Variants in WDPCP observed in about 807,000 individuals in gnomAD.
WDPCP encodes the protein WD repeat-containing and planar cell polarity effector protein fritz homolog.
Under a neutral mutation model 93.1 loss-of-function variants are expected in WDPCP, and 71 were observed. That is an observed-to-expected ratio of 0.76 (90% confidence interval 0.63 to 0.93). WDPCP has a LOEUF of 0.93. Ranked by LOEUF, WDPCP falls within the 40% of genes least tolerant of loss-of-function variation. WDPCP has a pLI of 0.00. For synonymous variants in WDPCP, 315 were observed against 315.0 expected (o/e 1.00, Z 0.00); for missense variants, 844 against 887.4 (o/e 0.95, Z 0.62).
intron 13 of WDPCP, among the ~76,000 whole-genome samples, chr2:63,295,169 A>G (rs1684750581): frequency 6.6e-6 from 1 of 152,142 alleles, no homozygotes. Flanking sequence ...CAAATGAAAG[A>G]GAGAGAAAAA....
At chr2:63,835,718 A>G in the WDPCP span, among the ~76,000 whole-genome samples, 1 of 152,132 alleles carries the variant, frequency 6.6e-6, no homozygotes, top group Non-Finnish European at 1.5e-5. Context: ...TTCTCTAAAT[A>G]TGACATACCT....
chr2:63,713,795 G>A (rs569652608), intron 2 of WDPCP, among the ~76,000 whole-genome samples: 2 of 152,264 alleles, frequency 1.3e-5, no homozygotes, highest in South Asian at 2.1e-4. Flanking sequence ...AATTCTCATC[G>A]TTAGGTTTGA....
At chr2:63,460,689 C>T (rs1050739370) in intron 6 of WDPCP, among the ~76,000 whole-genome samples, 3 of 151,996 alleles carry the variant, frequency 2.0e-5, no homozygotes, top group Admixed American at 6.6e-5. Context: ...GAGTCTTGCT[C>T]GATCTCGGCT....
chr2:63,249,551 A>G (rs1680552494), intron 14 of WDPCP, among the ~76,000 whole-genome samples: 1 of 152,086 alleles, frequency 6.6e-6, no homozygotes, highest in Admixed American at 6.6e-5. Flanking sequence ...TGCTTATTTA[A>G]TCTCTCCAGT....
chr2:63,187,970 A>G (rs1248511868), intron 14 of WDPCP, among the ~76,000 whole-genome samples: 1 of 152,090 alleles, frequency 6.6e-6, no homozygotes, highest in African/African-American at 2.4e-5. Context: ...TGCTGGATAC[A>G]GTATTCTTAG....
intron 2 of WDPCP, among the ~76,000 whole-genome samples, chr2:63,702,413 G>A (rs1669069143): frequency 6.6e-6 from 1 of 152,062 alleles, no homozygotes; most frequent in South Asian, 2.1e-4. Flanking sequence ...TGTACACCTA[G>A]TATATATCAA....
At chr2:63,225,152 A>G (rs999911158) in intron 14 of WDPCP, among the ~76,000 whole-genome samples, 14 of 152,084 alleles carry the variant, frequency 9.2e-5, no homozygotes, top group Admixed American at 9.2e-4. Context: ...TGCAGTACAT[A>G]CATTTAACAA....
intron 12 of WDPCP, among the ~76,000 whole-genome samples, chr2:63,319,902 T>A (rs1434749470): frequency 1.3e-5 from 2 of 152,106 alleles, no homozygotes; most frequent in Non-Finnish European, 2.9e-5. Context: ...AATTAATCCA[T>A]CAACAATGTA....
intron 17 of WDPCP, among the ~76,000 whole-genome samples, chr2:63,140,554 A>T (rs868227447): frequency 5.6e-4 from 82 of 146,008 alleles, no homozygotes; most frequent in Middle Eastern, 3.6e-3. Flanking sequence ...ATTCCTAAGT[A>T]TTTTTTTTTT....
intron 13 of WDPCP, among the ~76,000 whole-genome samples, chr2:63,268,392 G>C (rs1048306626): frequency 6.6e-6 from 1 of 152,114 alleles, no homozygotes; most frequent in Non-Finnish European, 1.5e-5. Flanking sequence ...TAAGTTTAGT[G>C]ATCATTTACA....
intron 3 of WDPCP, among the ~76,000 whole-genome samples, chr2:63,609,014 G>A (rs114999232): frequency 7.2e-5 from 11 of 152,100 alleles, no homozygotes; most frequent in East Asian, 5.8e-4. Flanking sequence ...CTATATTCTC[G>A]TGACATTAGG....
rs190129083 is a variant in WDPCP at position 63,777,545 on chromosome 2, C to T, written n.308+36077G>A. ...GTCTATCTGCAGGTGAATGAATAAA[C>T]AAATTGTAGTATATCCATAAAATGA... is the stretch of plus-strand genomic sequence containing the variant. On this transcript the variant is annotated intron_variant and non_coding_transcript_variant, in intron 2 of 4. Transcript: ENST00000467687. 5.3e-5 allele frequency among the ~76,000 whole-genome samples: 8 copies of T among 152,218 alleles called. No homozygotes were observed. The East Asian group carries it at 1.5e-3, about 29-fold the overall frequency.
chr2:63,604,950 G>T, intron 3 of WDPCP: 1 of 1,446,416 alleles, frequency 6.9e-7, no homozygotes. Flanking sequence ...AAACCTTAAA[G>T]AGGGCAGGTC....
chr2:63,724,340 G>T (rs549640307), intron 2 of WDPCP, among the ~76,000 whole-genome samples: 1 of 150,398 alleles, frequency 6.6e-6, no homozygotes, highest in Non-Finnish European at 1.5e-5. Flanking sequence ...CTAAACTACT[G>T]AAGGGCAAAA....
chr2:63,440,074 T>C, intron 6 of WDPCP: 1 of 547,646 alleles, frequency 1.8e-6, no homozygotes, highest in East Asian at 3.0e-5. Flanking sequence ...TGCAACACAA[T>C]AAATGCATTG....
chr2:63,352,353 T>C (rs918552754), intron 12 of WDPCP, among the ~76,000 whole-genome samples: 1 of 152,234 alleles, frequency 6.6e-6, no homozygotes, highest in African/African-American at 2.4e-5. Context: ...TACTTTCCTA[T>C]ACTTCATATT....
chr2:63,210,727 G>A lies in WDPCP; in HGVS notation c.1916-35895C>T, dbSNP rs533747314. Among the ~76,000 whole-genome samples the A allele has an allele frequency of 1.3e-4, 20 of 152,288 alleles. No homozygotes were observed. The South Asian group carries it at 2.1e-3, about 16-fold the overall frequency. On this transcript the variant is annotated intron_variant, in intron 14 of 17. Transcript: ENST00000272321. ...CCAGCCAAGGGAAGCCATGACAGAC[G>A]GCACCTGGAAAATCAGATCACTCCC...
intron 6 of WDPCP, among the ~76,000 whole-genome samples, chr2:63,447,065 T>C (rs1227497557): frequency 6.6e-6 from 1 of 152,224 alleles, no homozygotes; most frequent in Non-Finnish European, 1.5e-5. Flanking sequence ...ATAAGTTTAA[T>C]TAATCAGAAA....
intron 2 of WDPCP, among the ~76,000 whole-genome samples, chr2:63,675,408 T>C (rs558321905): frequency 6.6e-5 from 10 of 152,306 alleles, no homozygotes; most frequent in Admixed American, 4.6e-4. Context: ...GTGGCATGTA[T>C]ATAATGGAGC....
Sources: allele counts gnomAD v4.1 joint callset (sites outside exome capture counted in the v4.1 genomes callset), GRCh38; gene constraint gnomAD v4.1.1; transcripts MANE v1.5; gene names NCBI Gene and HGNC (gene_info 2026-07-23, HGNC 2026-07-21).